Variants in LARP4B observed in about 807,000 individuals in gnomAD.
LARP4B encodes the protein La ribonucleoprotein 4B, also known as la-related protein 4B.
In LARP4B, 12 loss-of-function variants were observed where a neutral mutation model predicts 89.8. The ratio of observed to expected loss-of-function variants is 0.13; its 90% CI spans 0.09 to 0.22. LARP4B has a LOEUF of 0.22. Among genes scored for constraint, LARP4B ranks in the 10% least tolerant of loss-of-function variants. The pLI is 1.00. For missense variants in LARP4B, 757 were observed against 947.7 expected, an observed-to-expected ratio of 0.80 and a Z score of 2.64; for synonymous variants, 367 against 363.3, an observed-to-expected ratio of 1.01 and a Z score of -0.12.
chr10:896,988 A>ATT lies in LARP4B; in HGVS notation c.-39-11230_-39-11229dup, dbSNP rs58205872. ...TATCAAAATTCACTTTTGTGGGAGA[A>ATT]TTTTTTTTTTTTTTTTTTTTGGCAG... On this transcript the variant is annotated intron_variant, in intron 1 of 17. Coordinates refer to ENST00000316157, the MANE Select transcript of LARP4B (RefSeq NM_015155.3). Among the ~76,000 whole-genome samples, 235 of 137,452 alleles carry ATT rather than the reference A, an allele frequency of 1.7e-3. 7 individuals are homozygous for ATT. In the East Asian group the frequency reaches 0.032, roughly 19 times the overall value. 90.2% of individuals were successfully genotyped at this position (137,452 alleles called of 152,430 possible). A position where few individuals can be genotyped will look rare whatever the true frequency, so the allele number is the denominator to read the frequency against.
intron 3 of LARP4B, among the ~76,000 whole-genome samples, chr10:867,325 C>T (rs1588939941): frequency 6.6e-6 from 1 of 152,132 alleles, no homozygotes; most frequent in Non-Finnish European, 1.5e-5. Context: ...TCACTGGACT[C>T]ATTTCACAAA....
intron 5 of LARP4B, among the ~76,000 whole-genome samples, chr10:846,950 CTA>C: frequency 6.6e-6 from 1 of 152,300 alleles, no homozygotes; most frequent in African/African-American, 2.4e-5. Context: ...GAATCATCCA[CTA>C]TAACATGACA....
At chr10:853,684 G>GA (rs1202795254) in intron 5 of LARP4B, among the ~76,000 whole-genome samples, 1 of 152,174 alleles carries the variant, frequency 6.6e-6, no homozygotes, top group African/African-American at 2.4e-5. Flanking sequence ...ATTATGTCTG[G>GA]AAAAAAATAA....
chr10:949,922 C>T, the LARP4B span, among the ~76,000 whole-genome samples: 2 of 152,106 alleles, frequency 1.3e-5, no homozygotes, highest in Non-Finnish European at 2.9e-5. Context: ...ACTACAGGTG[C>T]GTGCCACCAC....
At chr10:853,034 T>G (rs764524119) in intron 5 of LARP4B, among the ~76,000 whole-genome samples, 1 of 152,238 alleles carries the variant, frequency 6.6e-6, no homozygotes, top group Non-Finnish European at 1.5e-5. Flanking sequence ...AACTGATCTA[T>G]AGATTCAGTG....
At chr10:818,548 A>G (rs1297963989) in intron 14 of LARP4B, 6 of 152,262 alleles carry the variant, frequency 3.9e-5, no homozygotes, top group African/African-American at 1.4e-4. Flanking sequence ...ACTCAGTATA[A>G]TAAGAAGTGA....
the LARP4B span, among the ~76,000 whole-genome samples, chr10:969,439 A>C: frequency 6.6e-6 from 1 of 152,158 alleles, no homozygotes; most frequent in African/African-American, 2.4e-5. Context: ...TTTAAGAATT[A>C]GGAGAAAAGG....
chr10:808,622 G>T (rs1215683186), downstream of LARP4B: 1 of 152,094 alleles, frequency 6.6e-6, no homozygotes, highest in East Asian at 1.9e-4. Context: ...GAACTCACTG[G>T]TGATACTGGA....
intron 1 of LARP4B, among the ~76,000 whole-genome samples, chr10:905,901 A>G (rs1836478218): frequency 6.6e-6 from 1 of 152,188 alleles, no homozygotes; most frequent in Admixed American, 6.5e-5. Flanking sequence ...TTTCCCTTGA[A>G]GCCCACTCTA....
chr10:921,508 G>A (rs1836979679), intron 1 of LARP4B, among the ~76,000 whole-genome samples: 1 of 152,098 alleles, frequency 6.6e-6, no homozygotes, highest in Non-Finnish European at 1.5e-5. Context: ...GCAGGGGGAC[G>A]CGGGGAGGGG....
the LARP4B span, among the ~76,000 whole-genome samples, chr10:981,659 T>A: frequency 1.5e-4 from 23 of 152,020 alleles, no homozygotes; most frequent in African/African-American, 5.6e-4. Context: ...CAACCTCTGC[T>A]ACCCAGGTTC....
At chr10:972,342 G>A in the LARP4B span, 1 of 393,154 alleles carries the variant, frequency 2.5e-6, no homozygotes, top group Non-Finnish European at 4.9e-6. Flanking sequence ...TCTGTCTCTT[G>A]CACCCACTTC....
chr10:972,047 G>T, the LARP4B span: 1 of 158,296 alleles, frequency 6.3e-6, no homozygotes, highest in South Asian at 1.8e-4. Context: ...TTTTTGAGAC[G>T]GAGTTTTGCA....
the LARP4B span, among the ~76,000 whole-genome samples, chr10:985,046 C>T: frequency 3.0e-3 from 461 of 152,282 alleles, 3 homozygotes; most frequent in African/African-American, 9.9e-3. Context: ...GAGTTCCATG[C>T]GCCCTGAACG....
chr10:842,541 C>T (rs1346393415), intron 7 of LARP4B, among the ~76,000 whole-genome samples: 1 of 152,162 alleles, frequency 6.6e-6, no homozygotes, highest in Non-Finnish European at 1.5e-5. Context: ...TTCATCCGAA[C>T]ATAAACAGGA....
the LARP4B span, among the ~76,000 whole-genome samples, chr10:980,808 A>G: frequency 6.6e-6 from 1 of 152,200 alleles, no homozygotes; most frequent in African/African-American, 2.4e-5. Context: ...GCTCGCTTTT[A>G]GTTATGCAAA....
chr10:864,289 T>G lies in LARP4B; in HGVS notation c.142-19A>C. The G allele has an allele frequency of 6.2e-7, 1 of 1,613,040 alleles. No homozygotes were observed. Among genetic ancestry groups the G allele is most frequent in the Non-Finnish European group, 8.5e-7 (1 of 1,179,052 alleles). ...CTGGTACCTAGGAAGAAATGTAAGA[T>G]AGACATTTGTATCCAAATGTCAACC... On this transcript the variant is annotated intron_variant, in intron 3 of 17. Coordinates refer to ENST00000316157, the MANE Select transcript of LARP4B (RefSeq NM_015155.3).
At chr10:902,466 C>A (rs746392858) in intron 1 of LARP4B, among the ~76,000 whole-genome samples, 1 of 152,066 alleles carries the variant, frequency 6.6e-6, no homozygotes, top group Non-Finnish European at 1.5e-5. Context: ...GAAAAGTTGA[C>A]AACTACATTA....
At chr10:960,742 G>T in the LARP4B span, among the ~76,000 whole-genome samples, 1 of 143,944 alleles carries the variant, frequency 6.9e-6, no homozygotes, top group African/African-American at 2.6e-5. Flanking sequence ...AAAAAAGAAT[G>T]GAAGAGAGGG....
Sources: gnomAD v4.1 joint callset for allele counts (sites outside exome capture counted in the v4.1 genomes callset) on GRCh38, gnomAD v4.1.1 for gene constraint, MANE v1.5 for transcripts, NCBI Gene and HGNC (gene_info 2026-07-23, HGNC 2026-07-21) for gene names.